ASB7: variants seen among roughly 807,000 people sequenced by gnomAD.
The protein encoded by ASB7 is ankyrin repeat and SOCS box containing 7, also known as ankyrin repeat and SOCS box protein 7.
In ASB7, 4 loss-of-function variants were observed where a neutral mutation model predicts 32.5. The observed-to-expected ratio is 0.12, with a 90% CI of 0.06 to 0.28. The LOEUF is 0.28. Among genes scored for constraint, ASB7 ranks in the 10% least tolerant of loss-of-function variants. The probability of loss-of-function intolerance (pLI) is 1.00; values close to 1 mark genes in which losing one functional copy is unlikely to be tolerated. For synonymous variants in ASB7, 172 were observed against 155.6 expected (o/e 1.11, Z -0.78); for missense variants, 181 against 407.1 (o/e 0.44, Z 4.78).
intron 4 of ASB7, among the ~76,000 whole-genome samples, chr15:100,625,178 G>A (rs529864782): frequency 3.2e-4 from 49 of 152,304 alleles, no homozygotes; most frequent in African/African-American, 1.1e-3. Flanking sequence ...GGAACCAAGG[G>A]AAGGGTCTGT....
In ASB7 at chr15:100,616,174, CT is replaced by C. The variant is rs796224548; in HGVS notation, c.211+3756del. Among the ~76,000 whole-genome samples, 6 of 151,360 alleles carry C rather than the reference CT, an allele frequency of 4.0e-5. No homozygotes were observed. The South Asian group carries it at 1.3e-3, about 32-fold the overall frequency. On this transcript the variant is annotated intron_variant, in intron 4 of 5. Transcript: ENST00000332783. ...GTGTGATATACCTGCCTCTCTTTTTCTTTTTTTTTCTTGGAAAAAATGACAT... is the reference window on the plus strand; with the variant it reads ...GTGTGATATACCTGCCTCTCTTTTTCTTTTTTTTCTTGGAAAAAATGACAT...
At chr15:100,635,498 T>A (rs2039915890) in intron 5 of ASB7, among the ~76,000 whole-genome samples, 1 of 152,224 alleles carries the variant, frequency 6.6e-6, no homozygotes, top group Non-Finnish European at 1.5e-5. Context: ...AATTGGGCTG[T>A]GAGTCATGTT....
chr15:100,617,962 TC>T (rs1268634049), intron 4 of ASB7, among the ~76,000 whole-genome samples: 5 of 151,932 alleles, frequency 3.3e-5, no homozygotes, highest in Admixed American at 3.3e-4. Flanking sequence ...GCATCATGCC[TC>T]CCCCCACCCC....
In ASB7 at chr15:100,636,327, A is replaced by G. The variant is rs115955152; in HGVS notation, c.817+6285A>G. On this transcript the variant is annotated intron_variant, in intron 5 of 5. Transcript: ENST00000332783. Reference sequence around the variant, plus strand: ...GTAAGAATGGGAGTGATGATTTCCAAGCTCTTTACATGTTGGAACTAAAAC... The same window carrying G: ...GTAAGAATGGGAGTGATGATTTCCAGGCTCTTTACATGTTGGAACTAAAAC... Among the ~76,000 whole-genome samples the G allele has an allele frequency of 4.7e-3, 721 of 152,312 alleles. 5 individuals are homozygous for G. Among genetic ancestry groups the G allele is most frequent in the African/African-American group, 0.015 (636 of 41,556 alleles).
intron 4 of ASB7, among the ~76,000 whole-genome samples, chr15:100,625,156 C>G (rs1171896085): frequency 1.3e-5 from 2 of 152,134 alleles, no homozygotes; most frequent in African/African-American, 4.8e-5. Flanking sequence ...GAATTCTTTC[C>G]TTTTAAGATC....
At chr15:100,612,059 G>C in intron 3 of ASB7, 107 bp from the exon 4 acceptor site, 1 of 689,848 alleles carries the variant, frequency 1.4e-6, no homozygotes, top group Non-Finnish European at 2.5e-6. Flanking sequence ...ACTGTCATTA[G>C]TAAGGTTTAC....
At chr15:100,631,213 G>A (rs1407557984) in intron 5 of ASB7, among the ~76,000 whole-genome samples, 2 of 152,196 alleles carry the variant, frequency 1.3e-5, no homozygotes, top group African/African-American at 4.8e-5. Flanking sequence ...GTTGGAAATG[G>A]TCTCTCCTTG....
chr15:100,606,675 T>C (rs1396397229), intron 2 of ASB7, among the ~76,000 whole-genome samples: 1 of 152,198 alleles, frequency 6.6e-6, no homozygotes, highest in Non-Finnish European at 1.5e-5. Context: ...TGGTCAATAG[T>C]ATTAAAGCTT....
chr15:100,607,656 G>C (rs867695552), intron 2 of ASB7, among the ~76,000 whole-genome samples: 4 of 152,066 alleles, frequency 2.6e-5, no homozygotes, highest in African/African-American at 7.3e-5. Context: ...AAAATGTCTG[G>C]GATTTTAAAA....
chr15:100,619,512 A>G (rs1004343495), intron 4 of ASB7, among the ~76,000 whole-genome samples: 1 of 152,348 alleles, frequency 6.6e-6, no homozygotes, highest in Non-Finnish European at 1.5e-5. Flanking sequence ...TGGCCTGAGG[A>G]TCAGGAAGAA....
At chr15:100,618,099 A>G (rs111585876) in intron 4 of ASB7, among the ~76,000 whole-genome samples, 1,837 of 152,050 alleles carry the variant, frequency 0.012, 51 homozygotes, top group African/African-American at 0.041. Flanking sequence ...TCAAAACAGT[A>G]TAGTTTCTTT....
chr15:100,632,832 G>T (rs144764514), intron 5 of ASB7, among the ~76,000 whole-genome samples: 1 of 147,920 alleles, frequency 6.8e-6, no homozygotes, highest in African/African-American at 2.5e-5. Flanking sequence ...AAAAATTGCC[G>T]TAAAAACTCT....
At chr15:100,637,511 A>G (rs747292519) in intron 5 of ASB7, among the ~76,000 whole-genome samples, 1 of 152,196 alleles carries the variant, frequency 6.6e-6, no homozygotes, top group African/African-American at 2.4e-5. Context: ...GATCCACATA[A>G]CCCAATGAAC....
rs1257975823 is a variant in ASB7, at chr15:100,630,385, A to G, written c.817+343A>G. On this transcript the variant is annotated intron_variant, in intron 5 of 5. Transcript: ENST00000332783. ...ATAAGGATAATCTTACCTGGCTTCC[A>G]TTGACTGCAAGTTGAGGAGTTAGAG... 3.3e-5 allele frequency among the ~76,000 whole-genome samples: 5 copies of G among 152,202 alleles called. 1 individual carries two copies. The highest frequency in any genetic ancestry group is 6.5e-5 in the Admixed American group (1 of 15,290).
intron 4 of ASB7, among the ~76,000 whole-genome samples, chr15:100,620,448 G>A (rs1458523877): frequency 2.6e-5 from 4 of 152,200 alleles, no homozygotes; most frequent in Admixed American, 6.5e-5. Flanking sequence ...CAAGCATCCT[G>A]CGTCAAAATG....
intron 2 of ASB7, among the ~76,000 whole-genome samples, chr15:100,604,471 A>G (rs1189384982): frequency 5.9e-5 from 9 of 152,222 alleles, no homozygotes; most frequent in Non-Finnish European, 1.2e-4. Context: ...AGTGCTTAAA[A>G]TAGCAGAAGT....
intron 5 of ASB7, among the ~76,000 whole-genome samples, chr15:100,636,987 C>A (rs985524802): frequency 6.6e-6 from 1 of 152,144 alleles, no homozygotes; most frequent in Non-Finnish European, 1.5e-5. Context: ...CGGTACTGGT[C>A]GTTGTTCCCC....
intron 5 of ASB7, among the ~76,000 whole-genome samples, chr15:100,644,162 A>G (rs2039981966): frequency 6.6e-6 from 1 of 152,178 alleles, no homozygotes; most frequent in Admixed American, 6.5e-5. Flanking sequence ...GCATGAGAAT[A>G]GCTTGAACTT....
chr15:100,640,778 G>T (rs1015064759), intron 5 of ASB7, among the ~76,000 whole-genome samples: 2 of 152,268 alleles, frequency 1.3e-5, no homozygotes, highest in South Asian at 4.1e-4. Context: ...TCACAGGGAG[G>T]TGATTTAGGA....
Sources: gnomAD v4.1 joint callset for allele counts (sites outside exome capture counted in the v4.1 genomes callset) on GRCh38, gnomAD v4.1.1 for gene constraint, MANE v1.5 for transcripts, NCBI Gene and HGNC (gene_info 2026-07-23, HGNC 2026-07-21) for gene names.